TARS2: variants seen among roughly 807,000 people sequenced by gnomAD.
TARS2 encodes threonine--tRNA ligase, mitochondrial.
In TARS2, 61 loss-of-function variants were observed where a neutral mutation model predicts 94.4. That is an observed-to-expected ratio of 0.65 (90% confidence interval 0.53 to 0.80). The LOEUF (loss-of-function observed/expected upper bound fraction) is 0.80, where lower values mean the gene tolerates loss of function less well. TARS2 is among the 30% of genes least tolerant of loss of function. TARS2 has a pLI of 0.00. For missense variants in TARS2, 704 were observed against 902.5 expected (o/e 0.78, Z 2.82); for synonymous variants, 359 against 353.4 (o/e 1.02, Z -0.18).
At chr1:150,495,776 G>T (rs1669636101) in intron 7 of TARS2, among the ~76,000 whole-genome samples, 5 of 151,894 alleles carry the variant, frequency 3.3e-5, no homozygotes, top group Admixed American at 2.6e-4. Context: ...CTGGAGTGCA[G>T]TGGTGCGATC....
chr1:150,491,678 AT>A lies in TARS2; in HGVS notation c.695+18del. ...CAGTATATGGGTAAGAGTTGTCAAG[AT>A]TAAGGCAAACAGAGAGGTGGGGAAG... On this transcript the variant is annotated intron_variant, in intron 6 of 17. Transcript: ENST00000369064. 6.2e-7 allele frequency: 1 copy of A among 1,613,834 alleles called. No homozygotes were observed. Among genetic ancestry groups the A allele is most frequent in the Non-Finnish European group, 8.5e-7 (1 of 1,179,798 alleles).
In TARS2 at chr1:150,498,943, A is replaced by G. The variant is rs764167707; in HGVS notation, c.1448A>G (p.Tyr483Cys). The G allele has an allele frequency of 2.4e-5, 38 of 1,614,042 alleles. No homozygotes were observed. Among genetic ancestry groups the G allele is most frequent in the African/African-American group, 2.7e-5 (2 of 74,898 alleles). The change falls in exon 12 of 18, where the codon TAT becomes TGT. Residue 483 changes from tyrosine to cysteine, a missense_variant. Transcript: ENST00000369064. ...TGTCTTGATTTCCTCCGTTCCGTCTATGCCGTTCTTGGCTTCTCCTTCCGC... is the reference window on the plus strand; with the variant it reads ...TGTCTTGATTTCCTCCGTTCCGTCTGTGCCGTTCTTGGCTTCTCCTTCCGC... ...QSCLDFLRSV[Y>C]AVLGFSFRLA... is the part of the protein sequence containing the mutation.
At chr1:150,504,459 T>A (rs1022050944) in intron 14 of TARS2, 24 bp downstream of exon 14, 2 of 1,611,390 alleles carry the variant, frequency 1.2e-6, no homozygotes, top group African/African-American at 2.7e-5. Context: ...CCCTATCCTC[T>A]TTTCCCTTGA....
At chr1:150,499,155 C>T (rs587710336) in intron 12 of TARS2, 61 bp from the exon 13 acceptor site, 22 of 1,610,124 alleles carry the variant, frequency 1.4e-5, no homozygotes, top group African/African-American at 4.0e-5. Flanking sequence ...GGGGACTGAC[C>T]GGATGTGTTG....
intron 7 of TARS2, among the ~76,000 whole-genome samples, chr1:150,495,196 T>G (rs1242341729): frequency 5.5e-5 from 8 of 145,622 alleles, no homozygotes; most frequent in Non-Finnish European, 3.0e-5. Context: ...AAAAAAAAAA[T>G]TAGTCGAGTG....
At chr1:150,490,275 T>C (rs921082247) in intron 3 of TARS2, among the ~76,000 whole-genome samples, 1 of 151,822 alleles carries the variant, frequency 6.6e-6, no homozygotes, top group African/African-American at 2.4e-5. Context: ...CACGCCACCA[T>C]GCCTGGCTAG....
At chr1:150,497,474 C>G (rs1570851604) in intron 9 of TARS2, 56 bp from the exon 10 acceptor site, 5 of 1,557,004 alleles carry the variant, frequency 3.2e-6, no homozygotes, top group Admixed American at 3.4e-5. Flanking sequence ...AGCTGACACC[C>G]TACCTGCTTT....
chr1:150,498,724 C>T (rs1282536810), intron 11 of TARS2, 60 bp downstream of exon 11: 6 of 1,609,888 alleles, frequency 3.7e-6, no homozygotes, highest in South Asian at 2.2e-5. Flanking sequence ...TCCCTATGAA[C>T]CTGCAAACCC....
In TARS2 at chr1:150,497,723, A is replaced by G. The variant is rs770157236; in HGVS notation, c.1214A>G (p.Lys405Arg). ...TRHITDTLAL[K>R]PMNCPAHCLM... is the part of the protein sequence containing the mutation. ...CATATCACAGATACACTCGCCCTCA[A>G]GCCTATGAACTGCCCTGCACACTGG... Residue 405 changes from lysine (K) to arginine (R), a missense_variant, in exon 10 of 18, where the codon AAG becomes AGG. Physicochemically the swap from Lys to Arg is conservative, Grantham distance 26 (BLOSUM62 2). Around this residue, in one of 3 missense-constraint regions of TARS2, gnomAD observed 466 missense variants for 609.5 expected, o/e 0.76. Transcript: ENST00000369064. 1 of 1,614,088 alleles carries G rather than the reference A, an allele frequency of 6.2e-7. No individual in the cohort carries two copies. Among genetic ancestry groups the G allele is most frequent in the Non-Finnish European group, 8.5e-7 (1 of 1,180,012 alleles).
Position 150,507,186 on chromosome 1 carries a change from C to G in TARS2, c.*122C>G. ...TTCAGAACTGTGTGGAGGCACATGT[C>G]TGCTCTCCTGAAAAGAGACTTGGTT... On this transcript the variant is annotated 3_prime_UTR_variant, in exon 18 of 18. Coordinates refer to ENST00000369064, the MANE Select transcript of TARS2 (RefSeq NM_025150.5). The G allele has an allele frequency of 1.5e-6, 2 of 1,330,000 alleles. No individual in the cohort carries two copies. The highest frequency in any genetic ancestry group is 2.0e-6 in the Non-Finnish European group (2 of 985,476). The allele number at this position is 1,330,000 out of a possible 1,614,324, so 82.4% of individuals were successfully genotyped here. A position where few individuals can be genotyped will look rare whatever the true frequency, so the allele number is the denominator to read the frequency against.
intron 7 of TARS2, among the ~76,000 whole-genome samples, chr1:150,492,878 G>T (rs1364031763): frequency 1.4e-5 from 2 of 148,048 alleles, no homozygotes; most frequent in Non-Finnish European, 3.0e-5. Context: ...GATACTTTCT[G>T]TCGGCACCCC....
intron 13 of TARS2, among the ~76,000 whole-genome samples, chr1:150,499,691 T>A (rs1669825954): frequency 6.6e-6 from 1 of 152,032 alleles, no homozygotes; most frequent in African/African-American, 2.4e-5. Flanking sequence ...TAAACTTACG[T>A]AGGATATAAA....
rs1037201601 is a variant in TARS2, at chr1:150,488,814, C to T, written c.264-150C>T. 1.0e-5 allele frequency: 12 copies of T among 1,202,922 alleles called. No homozygotes were observed. The East Asian group carries it at 2.7e-4, about 27-fold the overall frequency. 74.5% of individuals were successfully genotyped at this position (1,202,922 alleles called of 1,614,324 possible). On this transcript the variant is annotated intron_variant, in intron 2 of 17. Transcript: ENST00000369064. Reference sequence around the variant, plus strand: ...ACCTCTTCATCTCCCCTCCCCCATCCTTTCCAGCCTCTGGTAACTATCACT... The same window carrying T: ...ACCTCTTCATCTCCCCTCCCCCATCTTTTCCAGCCTCTGGTAACTATCACT...
intron 8 of TARS2, 76 bp downstream of exon 8, chr1:150,496,704 G>A: frequency 6.3e-7 from 1 of 1,598,762 alleles, no homozygotes; most frequent in South Asian, 1.1e-5. Flanking sequence ...TATGAAATTG[G>A]GAGCAGATTC....
In TARS2 at chr1:150,497,574, A is replaced by G; in HGVS notation, c.1065A>G (p.Thr355=). 2 of 1,614,176 alleles carry G rather than the reference A, an allele frequency of 1.2e-6. No individual in the cohort carries two copies. The highest frequency in any genetic ancestry group is 1.7e-6 in the Non-Finnish European group (2 of 1,180,026). The change falls in exon 10 of 18, where the codon ACA becomes ACG. Residue 355 remains threonine (T), a synonymous_variant. Coordinates refer to ENST00000369064, the MANE Select transcript of TARS2 (RefSeq NM_025150.5). ...GTTTCTCCGAGGTGAAAACTCCCAC[A>G]CTGTTTTCTACGAAGCTCTGGGAAC... The part of the protein sequence containing the change: ...HRGFSEVKTP[T]LFSTKLWEQS...
intron 13 of TARS2, among the ~76,000 whole-genome samples, chr1:150,501,651 T>G (rs1275065493): frequency 6.6e-6 from 1 of 151,738 alleles, no homozygotes; most frequent in Non-Finnish European, 1.5e-5. Context: ...TACAAAAAAT[T>G]TAAAACAAAT....
chr1:150,499,903 A>G lies in TARS2; in HGVS notation c.1617+610A>G, dbSNP rs1570857982. 2.6e-5 allele frequency among the ~76,000 whole-genome samples: 4 copies of G among 152,130 alleles called. No homozygotes were observed. The South Asian group carries it at 6.2e-4, about 24-fold the overall frequency. On this transcript the variant is annotated intron_variant, in intron 13 of 17. Coordinates refer to ENST00000369064, the MANE Select transcript of TARS2 (RefSeq NM_025150.5). ...CAATCTGAAAGGTGAGTGTTGGCCAAGTAAAGATGTGTTTCAGGAGGGAAC... is the reference window on the plus strand; with the variant it reads ...CAATCTGAAAGGTGAGTGTTGGCCAGGTAAAGATGTGTTTCAGGAGGGAAC...
chr1:150,491,960 A>ATTT, intron 6 of TARS2: 6 of 116,412 alleles, frequency 5.2e-5, no homozygotes, highest in South Asian at 1.0e-4. Context: ...ATGCCTGGCT[A>ATTT]GTTTTTTTTT....
chr1:150,498,453 G>C (rs377703785), intron 10 of TARS2, 49 bp from the exon 11 acceptor site: 6 of 1,510,672 alleles, frequency 4.0e-6, no homozygotes, highest in African/African-American at 1.4e-5. Flanking sequence ...AGCAGTCTTC[G>C]GGGGCTAGTC....
Sources: gnomAD v4.1 joint callset for allele counts (sites outside exome capture counted in the v4.1 genomes callset) on GRCh38, gnomAD v4.1.1 for gene constraint, gnomAD v4.1.1 regional missense constraint, MANE v1.5 for transcripts, NCBI Gene and HGNC (gene_info 2026-07-23, HGNC 2026-07-21) for gene names.